Variants in MPRIP observed in about 807,000 individuals in gnomAD.
MPRIP encodes myosin phosphatase Rho-interacting protein.
A neutral mutation model predicts 234.9 loss-of-function variants in MPRIP; 59 were observed. The ratio of observed to expected loss-of-function variants is 0.25; its 90% CI spans 0.20 to 0.31. MPRIP has a LOEUF of 0.31. Ranked by LOEUF, MPRIP falls within the 10% of genes least tolerant of loss-of-function variation. The probability of loss-of-function intolerance (pLI) is 1.00; values close to 1 mark genes in which losing one functional copy is unlikely to be tolerated. For missense variants in MPRIP, 2,436 were observed against 3,071.0 expected (o/e 0.79, Z 4.89); for synonymous variants, 1,144 against 1,263.9 (o/e 0.91, Z 2.01).
intron 3 of MPRIP, among the ~76,000 whole-genome samples, chr17:17,095,125 C>T (rs1290254481): frequency 2.0e-5 from 3 of 151,948 alleles, no homozygotes; most frequent in East Asian, 1.9e-4. Flanking sequence ...TTTTGTTTTC[C>T]GTGTGTCCTC....
intron 3 of MPRIP, among the ~76,000 whole-genome samples, chr17:17,106,124 G>A (rs1311251671): frequency 2.0e-5 from 3 of 152,078 alleles, no homozygotes; most frequent in African/African-American, 4.8e-5. Flanking sequence ...TGTCCAGGGC[G>A]AAGTGTCTGC....
At chr17:17,174,158 G>C in intron 19 of MPRIP, 83 bp downstream of exon 19, 5 of 1,497,320 alleles carry the variant, frequency 3.3e-6, no homozygotes, top group South Asian at 1.3e-5. Flanking sequence ...GTCCACACTG[G>C]AGCTGGAGCC....
chr17:17,143,385 C>T (rs1014470794), intron 8 of MPRIP, among the ~76,000 whole-genome samples, 171 bp from the exon 9 acceptor site: 15 of 152,188 alleles, frequency 9.9e-5, no homozygotes, highest in African/African-American at 3.4e-4. Context: ...TCTCAGGACC[C>T]GGGTCCTGTC....
chr17:17,165,361 G>A lies in MPRIP; in HGVS notation c.3770G>A (p.Gly1257Asp). The change falls in exon 16 of 24, where the codon GGC becomes GAC. Residue 1257 changes from glycine to aspartate, a missense_variant. Transcript: ENST00000651222. ...GTCCAAGCCACTAGGGCACCTCTAG[G>A]CCTCCCACACACAAGGCTCGAGGAT... ...QPVQATRAPL[G>D]LPHTRLEDED... The A allele has an allele frequency of 1.5e-6, 2 of 1,304,150 alleles. No homozygotes were observed. Among genetic ancestry groups the A allele is most frequent in the South Asian group, 2.5e-5 (2 of 81,024 alleles). 80.8% of individuals were successfully genotyped at this position (1,304,150 alleles called of 1,614,324 possible). A position where few individuals can be genotyped will look rare whatever the true frequency, so the allele number is the denominator to read the frequency against.
At position 17,166,007 on chromosome 17, in the gene MPRIP, T is replaced by C. The variant is rs1373199621; in HGVS notation, c.4416T>C (p.Asn1472=). The C allele has an allele frequency of 7.7e-7, 1 of 1,304,104 alleles. No individual in the cohort carries two copies. The highest frequency in any genetic ancestry group is 1.0e-6 in the Non-Finnish European group (1 of 988,882). 80.8% of individuals were successfully genotyped at this position (1,304,104 alleles called of 1,614,324 possible). The change falls in exon 16 of 24, where the codon AAT becomes AAC. Residue 1472 remains asparagine (N), a synonymous_variant. Transcript: ENST00000651222. The surrounding 1 kb of genome is among the most constrained non-coding windows in gnomAD (Gnocchi z 4.4). ...AGCTTGGGGACTTCCAGGTCAAGAA[T>C]AGTCAGGCCCTGATGTGCCTGGAAA... is the stretch of plus-strand genomic sequence containing the variant. ...VGELGDFQVK[N]SQALMCLENC...
In MPRIP at chr17:17,074,321, G is replaced by T. The variant is rs570222265; in HGVS notation, c.124-1389G>T. Among the ~76,000 whole-genome samples, 35 of 152,334 alleles carry T rather than the reference G, an allele frequency of 2.3e-4. No homozygotes were observed. The East Asian group carries it at 6.4e-3, about 28-fold the overall frequency. On this transcript the variant is annotated intron_variant, in intron 1 of 23. Coordinates refer to ENST00000651222, the MANE Select transcript of MPRIP (RefSeq NM_001364716.4). ...CCAGCTGGGTGTGGCTGAGGAAGGA[G>T]ATTGAGCCAGAGTGTCTGTCTAGAT...
chr17:17,143,168 G>A (rs936484261), intron 8 of MPRIP, among the ~76,000 whole-genome samples: 1 of 152,108 alleles, frequency 6.6e-6, no homozygotes, highest in Non-Finnish European at 1.5e-5. Flanking sequence ...TTTTGTAGCC[G>A]GCCAAGTCTA....
In MPRIP at chr17:17,166,751, T is replaced by C. The variant is rs780611558; in HGVS notation, c.5160T>C (p.Phe1720=). Residue 1720 remains phenylalanine (F), a synonymous_variant, in exon 16 of 24, where the codon TTT becomes TTC. Coordinates refer to ENST00000651222, the MANE Select transcript of MPRIP (RefSeq NM_001364716.4). This position sits in a 1 kb window ranked among gnomAD's most constrained non-coding sequence, Gnocchi z 4.4. The part of the protein sequence containing the change: ...EILGAYQTPD[F]ERVMQQVLEA... ...TGGGAGCCTACCAAACCCCAGACTT[T>C]GAAAGAGTGATGCAGCAGGTCTTGG... 3.1e-6 allele frequency: 4 copies of C among 1,304,112 alleles called. No homozygotes were observed. The South Asian group carries it at 4.9e-5, about 16-fold the overall frequency. 80.8% of individuals were successfully genotyped at this position (1,304,112 alleles called of 1,614,324 possible).
intron 5 of MPRIP, 23 bp downstream of exon 5, chr17:17,131,724 G>A (rs2090600822): frequency 1.9e-6 from 3 of 1,608,130 alleles, no homozygotes; most frequent in Non-Finnish European, 1.7e-6. Context: ...TTTGCCAGAT[G>A]GCATCCCCTC....
intron 1 of MPRIP, among the ~76,000 whole-genome samples, chr17:17,053,221 T>TG (rs1351898545): frequency 1.3e-5 from 2 of 152,106 alleles, no homozygotes; most frequent in Non-Finnish European, 1.5e-5. Context: ...GGAATTGGAA[T>TG]GGTGGCGAGC....
Position 17,164,690 on chromosome 17 carries a change from G to A in MPRIP, c.3099G>A (p.Lys1033=). The stretch of plus-strand genomic sequence containing the variant: ...TGCTGGAGAGCTGTGAGAAGGAGAA[G>A]CAGGCATTGCTGCAGAACCTAAAGG... ...ELLLESCEKE[K]QALLQNLKEV... The change falls in exon 16 of 24, where the codon AAG becomes AAA. Residue 1033 remains lysine (K), a synonymous_variant. Transcript: ENST00000651222. The A allele has an allele frequency of 2.4e-6, 3 of 1,269,606 alleles. No homozygotes were observed. Among genetic ancestry groups the A allele is most frequent in the South Asian group, 2.6e-5 (2 of 75,786 alleles). 78.6% of individuals were successfully genotyped at this position (1,269,606 alleles called of 1,614,324 possible). A position where few individuals can be genotyped will look rare whatever the true frequency, so the allele number is the denominator to read the frequency against.
Position 17,138,371 on chromosome 17 carries a change from A to C in MPRIP, c.1192A>C (p.Thr398Pro). The stretch of plus-strand genomic sequence containing the variant: ...GGAGAGAAGGCGGCTGGAGCGTAGA[A>C]CTCGGGCCCGGAGCCCTGGCAGGGA... ...QVERRRLERRTRARSPGREEV... is the reference protein window; with the variant it reads ...QVERRRLERRPRARSPGREEV... The change falls in exon 7 of 24, where the codon ACT becomes CCT. Residue 398 changes from threonine (T) to proline (P), a missense_variant. By Grantham distance (38) the Thr-to-Pro change is conservative (BLOSUM62 -1). Transcript: ENST00000651222. The surrounding 1 kb of genome is among the most constrained non-coding windows in gnomAD (Gnocchi z 5.8). 3.1e-6 allele frequency: 1 copy of C among 319,726 alleles called. No homozygotes were observed. Among genetic ancestry groups the C allele is most frequent in the Non-Finnish European group, 5.7e-6 (1 of 176,054 alleles). The allele number at this position is 319,726 out of a possible 1,614,324, so 19.8% of individuals were successfully genotyped here.
intron 1 of MPRIP, chr17:17,057,992 A>G: frequency 2.4e-6 from 1 of 408,550 alleles, no homozygotes; most frequent in Non-Finnish European, 4.4e-6. Context: ...ACATCCATTC[A>G]AAGCATCCTT....
At chr17:17,075,123 A>C (rs1281466053) in intron 1 of MPRIP, among the ~76,000 whole-genome samples, 1 of 152,098 alleles carries the variant, frequency 6.6e-6, no homozygotes, top group Non-Finnish European at 1.5e-5. Context: ...TGATTGCATT[A>C]TCTCATCAGT....
At chr17:17,098,439 G>A (rs1187207625) in intron 3 of MPRIP, among the ~76,000 whole-genome samples, 1 of 152,086 alleles carries the variant, frequency 6.6e-6, no homozygotes, top group African/African-American at 2.4e-5. Context: ...CCCGACCCTC[G>A]GCTAGGGGAG....
chr17:17,158,095 G>C (rs1199722967), intron 13 of MPRIP, among the ~76,000 whole-genome samples: 1 of 152,100 alleles, frequency 6.6e-6, no homozygotes, highest in Admixed American at 6.5e-5. Context: ...CCCTGGCAAC[G>C]GGACCACCAC....
chr17:17,132,419 T>C (rs1270564765), intron 5 of MPRIP, among the ~76,000 whole-genome samples: 1 of 152,200 alleles, frequency 6.6e-6, no homozygotes, highest in African/African-American at 2.4e-5. Context: ...TTTGGACCTA[T>C]TATAGGTTCT....
intron 3 of MPRIP, among the ~76,000 whole-genome samples, chr17:17,122,995 C>A (rs1837110933): frequency 6.6e-6 from 1 of 152,216 alleles, no homozygotes; most frequent in South Asian, 2.1e-4. Context: ...AATGGATAAA[C>A]AAAATGCGGT....
intron 1 of MPRIP, among the ~76,000 whole-genome samples, chr17:17,063,454 A>C (rs997370860): frequency 6.6e-6 from 1 of 152,054 alleles, no homozygotes; most frequent in African/African-American, 2.4e-5. Flanking sequence ...TGAGACAGTG[A>C]ATCTCCTTAT....
Sources: allele counts gnomAD v4.1 joint callset (sites outside exome capture counted in the v4.1 genomes callset), GRCh38; gene constraint gnomAD v4.1.1; non-coding constraint Gnocchi (gnomAD v3.1); transcripts MANE v1.5; gene names NCBI Gene and HGNC (gene_info 2026-07-23, HGNC 2026-07-21).